MAP3K13: variants seen among roughly 807,000 people sequenced by gnomAD.
The protein encoded by MAP3K13 is leucine zipper-bearing kinase.
In MAP3K13, 52 loss-of-function variants were observed where a neutral mutation model predicts 104.0. That is an observed-to-expected ratio of 0.50 (90% CI 0.40 to 0.63). MAP3K13 has a LOEUF of 0.63. Ranked by LOEUF, MAP3K13 falls within the 20% of genes least tolerant of loss-of-function variation. The pLI, the probability that MAP3K13 is intolerant of heterozygous loss-of-function variation, is 0.00. For synonymous variants in MAP3K13, 394 were observed against 442.2 expected (o/e 0.89, Z 1.37); for missense variants, 914 against 1,218.5 (o/e 0.75, Z 3.72).
At chr3:185,419,137 C>T (rs1560096317) in intron 1 of MAP3K13, among the ~76,000 whole-genome samples, 1 of 152,002 alleles carries the variant, frequency 6.6e-6, no homozygotes, top group Non-Finnish European at 1.5e-5. Flanking sequence ...CTGCCTCAGC[C>T]TCCTGAGTAG....
intron 10 of MAP3K13, among the ~76,000 whole-genome samples, chr3:185,468,169 T>C (rs1335897562): frequency 6.6e-6 from 1 of 152,058 alleles, no homozygotes; most frequent in African/African-American, 2.4e-5. Flanking sequence ...ACATGAGATT[T>C]GGGTGGGGAC....
intron 5 of MAP3K13, 99 bp from the exon 6 acceptor site, chr3:185,449,801 C>T: frequency 1.1e-6 from 1 of 952,218 alleles, no homozygotes; most frequent in Admixed American, 3.1e-5. Flanking sequence ...AATTTTAAAA[C>T]TGGGTATATG....
rs1718742276 is a variant in MAP3K13 at position 185,486,908 on chromosome 3, G to A, written c.*4452G>A. The A allele has an allele frequency of 6.6e-6, 1 of 152,196 alleles. No homozygotes were observed. Among genetic ancestry groups the A allele is most frequent in the Non-Finnish European group, 1.5e-5 (1 of 68,040 alleles). The allele number at this position is 152,196 out of a possible 1,614,324, so 9.4% of individuals were successfully genotyped here. ...AGACCTGTTTGCAAGATGGTGGGGA[G>A]CTCCTACTGAGAAAGATGAAGATGC... On this transcript the variant is annotated 3_prime_UTR_variant, in exon 14 of 14. Coordinates refer to ENST00000265026, the MANE Select transcript of MAP3K13 (RefSeq NM_004721.5).
rs150227751 is a variant in MAP3K13, at chr3:185,399,845, TC to T, written c.-85-28650del. 7.4e-3 allele frequency among the ~76,000 whole-genome samples: 1,122 copies of T among 152,024 alleles called. 24 individuals are homozygous for T. Among genetic ancestry groups the T allele is most frequent in the African/African-American group, 0.026 (1,059 of 41,482 alleles). ...TGGCTCGTTACCTCCTCCCTGCAGC[TC>T]CTCCGCCCTGCACCCCCTCTGCTGG... On this transcript the variant is annotated intron_variant, in intron 1 of 13. Coordinates refer to ENST00000265026, the MANE Select transcript of MAP3K13 (RefSeq NM_004721.5).
At chr3:185,455,213 G>T (rs1169278273) in intron 7 of MAP3K13, among the ~76,000 whole-genome samples, 1 of 69,434 alleles carries the variant, frequency 1.4e-5, no homozygotes, top group Non-Finnish European at 2.7e-5. Flanking sequence ...ATATATATGA[G>T]ATATATATAT....
At chr3:185,310,423 A>T (rs1391867581) in intron 2 of MAP3K13, among the ~76,000 whole-genome samples, 4 of 152,240 alleles carry the variant, frequency 2.6e-5, no homozygotes, top group Admixed American at 6.5e-5. Context: ...ACCCAGACCC[A>T]GAGATGACTC....
intron 7 of MAP3K13, among the ~76,000 whole-genome samples, chr3:185,455,584 GAT>G (rs757470186): frequency 5.7e-4 from 2 of 3,496 alleles, no homozygotes; most frequent in Admixed American, 4.3e-3. Context: ...ACATATATAT[GAT>G]ATATATGAGA....
intron 3 of MAP3K13, among the ~76,000 whole-genome samples, chr3:185,442,582 G>A (rs137949216): frequency 3.4e-4 from 51 of 148,922 alleles, no homozygotes; most frequent in African/African-American, 1.1e-3. Flanking sequence ...CACCCAGGAT[G>A]GAGTGCAGTG....
rs1433758785 is a variant in MAP3K13 at position 185,324,529 on chromosome 3, T to C, written c.-86+38886T>C. ...TTTACATTCTATGTTTCAATTCCGA[T>C]TTCCCAGTACTTTTCAACAACCACC... On this transcript the variant is annotated intron_variant, in intron 2 of 14. Transcript: ENST00000424227. Among the ~76,000 whole-genome samples the C allele has an allele frequency of 2.0e-5, 3 of 152,292 alleles. No homozygotes were observed. The East Asian group carries it at 5.8e-4, about 29-fold the overall frequency.
At chr3:185,316,638 A>G (rs1721684512) in intron 2 of MAP3K13, among the ~76,000 whole-genome samples, 1 of 152,196 alleles carries the variant, frequency 6.6e-6, no homozygotes, top group Admixed American at 6.5e-5. Flanking sequence ...TGTCTCAAAA[A>G]AGGAAAAAAC....
intron 2 of MAP3K13, among the ~76,000 whole-genome samples, chr3:185,430,500 G>A (rs944883669): frequency 2.0e-5 from 3 of 151,902 alleles, no homozygotes; most frequent in Non-Finnish European, 4.4e-5. Flanking sequence ...CTCTCTTTGT[G>A]TCTATGTTTT....
intron 1 of MAP3K13, among the ~76,000 whole-genome samples, chr3:185,415,490 G>A (rs1340006102): frequency 1.3e-5 from 2 of 150,608 alleles, no homozygotes; most frequent in Non-Finnish European, 2.9e-5. Flanking sequence ...TAAAGCATAA[G>A]CAATGTTTTC....
rs139333467 is a variant in MAP3K13, at chr3:185,428,752, C to A, written c.171C>A (p.Ile57=). 4.3e-6 allele frequency: 7 copies of A among 1,614,028 alleles called. No homozygotes were observed. Among genetic ancestry groups the A allele is most frequent in the Non-Finnish European group, 5.9e-6 (7 of 1,180,032 alleles). Residue 57 remains isoleucine, a synonymous_variant, in exon 2 of 14, where the codon ATC becomes ATA. Transcript: ENST00000265026. The part of the protein sequence containing the change: ...QEKGMVRTEL[I]ESVHSPVTTT... ...AGGGGATGGTACGAACAGAGCTAAT[C>A]GAGAGCGTGCACAGCCCCGTCACCA...
intron 4 of MAP3K13, among the ~76,000 whole-genome samples, chr3:185,444,333 C>T (rs1225050253): frequency 8.5e-5 from 4 of 47,314 alleles, no homozygotes; most frequent in Non-Finnish European, 3.0e-4. Context: ...AAGACTCTGT[C>T]TCAAAAAAAA....
At chr3:185,305,018 G>C (rs1721245618) in intron 2 of MAP3K13, among the ~76,000 whole-genome samples, 1 of 152,134 alleles carries the variant, frequency 6.6e-6, no homozygotes, top group South Asian at 2.1e-4. Flanking sequence ...TATATCTAAA[G>C]TAAGTTTCTT....
chr3:185,368,819 C>T (rs1455813531), intron 1 of MAP3K13, among the ~76,000 whole-genome samples: 1 of 151,974 alleles, frequency 6.6e-6, no homozygotes, highest in East Asian at 1.9e-4. Context: ...ATTAGCCAGG[C>T]ATGGTGGTGC....
Position 185,418,177 on chromosome 3 carries a change from C to A in MAP3K13, c.-85-10320C>A. 1 of 1,610,628 alleles carries A rather than the reference C, an allele frequency of 6.2e-7. No homozygotes were observed. Among genetic ancestry groups the A allele is most frequent in the South Asian group, 1.1e-5 (1 of 90,956 alleles). On this transcript the variant is annotated intron_variant, in intron 1 of 13. Transcript: ENST00000265026. The surrounding 1 kb of genome is among the most constrained non-coding windows in gnomAD (Gnocchi z 4.5). ...GATGCACAGGCCCCTGCGCTGGATACGGCGACGGTTTCTCATTTTGCCTTT... is the reference window on the plus strand; with the variant it reads ...GATGCACAGGCCCCTGCGCTGGATAAGGCGACGGTTTCTCATTTTGCCTTT...
chr3:185,339,619 C>T (rs1722643935), intron 2 of MAP3K13, among the ~76,000 whole-genome samples: 1 of 152,220 alleles, frequency 6.6e-6, no homozygotes, highest in Non-Finnish European at 1.5e-5. Context: ...TAAATATCTT[C>T]AGGTTTTGTG....
intron 2 of MAP3K13, among the ~76,000 whole-genome samples, chr3:185,295,126 G>T (rs1218637702): frequency 1.3e-5 from 2 of 152,004 alleles, no homozygotes; most frequent in Non-Finnish European, 2.9e-5. Flanking sequence ...TGTCTACTAA[G>T]CTCAAGCCAT....
Sources: allele counts gnomAD v4.1 joint callset (sites outside exome capture counted in the v4.1 genomes callset), GRCh38; gene constraint gnomAD v4.1.1; non-coding constraint Gnocchi (gnomAD v3.1); transcripts MANE v1.5; gene names NCBI Gene and HGNC (gene_info 2026-07-23, HGNC 2026-07-21).